The following DERL1 variants were observed in gnomAD, a reference collection of about 807,000 sequenced individuals.
DERL1 encodes the protein derlin-1.
Under a neutral mutation model 41.6 loss-of-function variants are expected in DERL1, and 24 were observed. The observed-to-expected ratio is 0.58, with a 90% confidence interval of 0.42 to 0.81. DERL1 has a LOEUF of 0.81. Among genes scored for constraint, DERL1 ranks in the 30% least tolerant of loss-of-function variants. The pLI, the probability that DERL1 is intolerant of heterozygous loss-of-function variation, is 0.00. For missense variants in DERL1, 260 were observed against 314.3 expected, an observed-to-expected ratio of 0.83 and a Z score of 1.31; for synonymous variants, 124 against 112.5, an observed-to-expected ratio of 1.10 and a Z score of -0.65.
chr8:123,021,137 C>T (rs1814753723), intron 6 of DERL1, among the ~76,000 whole-genome samples: 1 of 152,086 alleles, frequency 6.6e-6, no homozygotes, highest in Admixed American at 6.5e-5. Context: ...CCAACTCAGA[C>T]AAAAATTAGG....
rs1812593675 is a variant in DERL1, at chr8:123,022,741, G to C, written c.396C>G (p.Val132=). 6.2e-7 allele frequency: 1 copy of C among 1,613,990 alleles called. No homozygotes were observed. Among genetic ancestry groups the C allele is most frequent in the African/African-American group, 1.3e-5 (1 of 74,898 alleles). The change falls in exon 5 of 8, where the codon GTC becomes GTG. Residue 132 remains valine, a synonymous_variant. Transcript: ENST00000259512. ...MIPLIMSVLY[V]WAQLNRDMIV... is the part of the protein sequence containing the mutation. ...TCATGTCTCTGTTCAGCTGGGCCCAGACATAAAGTACTGACATGATCAGAG... is the reference window on the plus strand; with the variant it reads ...TCATGTCTCTGTTCAGCTGGGCCCACACATAAAGTACTGACATGATCAGAG...
intron 3 of DERL1, among the ~76,000 whole-genome samples, chr8:123,024,383 C>T (rs1812635313): frequency 6.6e-6 from 1 of 152,146 alleles, no homozygotes; most frequent in Non-Finnish European, 1.5e-5. Context: ...GCAGCTGAGC[C>T]CAAAGGCAAT....
rs1396224464 is a variant in DERL1 at position 123,014,298 on chromosome 8, C to CT, written c.*1148dup. On this transcript the variant is annotated 3_prime_UTR_variant, in exon 8 of 8. Transcript: ENST00000259512. ...AACACACCCTCAAACCCAAATGATT[C>CT]TAAAGCCATTTCAACCTTAAATCAT... is the stretch of plus-strand genomic sequence containing the variant. The CT allele has an allele frequency of 6.6e-6, 1 of 152,640 alleles. No individual in the cohort carries two copies. Among genetic ancestry groups the CT allele is most frequent in the Admixed American group, 6.5e-5 (1 of 15,278 alleles). 9.5% of individuals were successfully genotyped at this position (152,640 alleles called of 1,614,324 possible).
Position 123,022,743 on chromosome 8 carries a change from C to A in DERL1, c.394G>T (p.Val132Phe). 1 of 1,614,060 alleles carries A rather than the reference C, an allele frequency of 6.2e-7. No individual in the cohort carries two copies. Among genetic ancestry groups the A allele is most frequent in the African/African-American group, 1.3e-5 (1 of 75,008 alleles). The change falls in exon 5 of 8, where the codon GTC (valine) becomes TTC (phenylalanine). Residue 132 changes from valine (V) to phenylalanine (F), a missense_variant. Transcript: ENST00000259512. The part of the protein sequence containing the change: ...MIPLIMSVLY[V>F]WAQLNRDMIV... Reference sequence around the variant, plus strand: ...ATGTCTCTGTTCAGCTGGGCCCAGACATAAAGTACTGACATGATCAGAGGA... The same window carrying A: ...ATGTCTCTGTTCAGCTGGGCCCAGAAATAAAGTACTGACATGATCAGAGGA...
At chr8:123,033,461 C>T (rs1049663561) in intron 1 of DERL1, among the ~76,000 whole-genome samples, 1 of 152,070 alleles carries the variant, frequency 6.6e-6, no homozygotes, top group Non-Finnish European at 1.5e-5. Flanking sequence ...AATTGAGCTT[C>T]GGCCGGGAGT....
At chr8:123,031,627 T>A (rs1174383736) in intron 1 of DERL1, among the ~76,000 whole-genome samples, 1 of 152,104 alleles carries the variant, frequency 6.6e-6, no homozygotes, top group Non-Finnish European at 1.5e-5. Context: ...GTCTCCCAGT[T>A]CCCCAACAAC....
chr8:123,017,656 G>A (rs1052842652), intron 7 of DERL1: 1 of 152,172 alleles, frequency 6.6e-6, no homozygotes, highest in Non-Finnish European at 1.5e-5. Flanking sequence ...GTGGAAGGCA[G>A]GCTCCAGGGC....
rs553871416 is a variant in DERL1 at position 123,014,386 on chromosome 8, C to T, written c.*1061G>A. The T allele has an allele frequency of 9.8e-5, 15 of 152,742 alleles. No individual in the cohort carries two copies. Among genetic ancestry groups the T allele is most frequent in the South Asian group, 4.1e-4 (2 of 4,826 alleles). 9.5% of individuals were successfully genotyped at this position (152,742 alleles called of 1,614,324 possible). On this transcript the variant is annotated 3_prime_UTR_variant, in exon 8 of 8. Coordinates refer to ENST00000259512, the MANE Select transcript of DERL1 (RefSeq NM_024295.6). ...ATGATCTACGTGCAGAGAGGAGCTG[C>T]GCCTTCCTCACAATTAATTGAAACA...
Position 123,029,272 on chromosome 8 carries a change from T to C in DERL1, c.265+1333A>G, listed in dbSNP as rs533722325. Among the ~76,000 whole-genome samples, 3 of 152,326 alleles carry C rather than the reference T, an allele frequency of 2.0e-5. No homozygotes were observed. The East Asian group carries it at 5.8e-4, about 29-fold the overall frequency. ...TTTCATTTCTGCCAAGTTACTTTACTTCCTTGAATCTCCTATTCATCTTTT... is the reference window on the plus strand; with the variant it reads ...TTTCATTTCTGCCAAGTTACTTTACCTCCTTGAATCTCCTATTCATCTTTT... On this transcript the variant is annotated intron_variant, in intron 2 of 7. Coordinates refer to ENST00000259512, the MANE Select transcript of DERL1 (RefSeq NM_024295.6).
intron 2 of DERL1, among the ~76,000 whole-genome samples, chr8:123,029,008 C>T (rs111354712): frequency 0.014 from 2,106 of 151,680 alleles, 44 homozygotes; most frequent in African/African-American, 0.048. Context: ...GTCAAGGCTG[C>T]AGGGAGCCAT....
At chr8:123,029,789 T>C (rs1354072339) in intron 2 of DERL1, among the ~76,000 whole-genome samples, 1 of 152,142 alleles carries the variant, frequency 6.6e-6, no homozygotes, top group African/African-American at 2.4e-5. Flanking sequence ...GCTGGGCACG[T>C]TGACTCACAC....
rs1306858824 is a variant in DERL1, at chr8:123,027,314, AAAAAAT to A, written c.266-2270_266-2265del. On this transcript the variant is annotated intron_variant, in intron 2 of 7. Coordinates refer to ENST00000259512, the MANE Select transcript of DERL1 (RefSeq NM_024295.6). ...GTCTCAAAAAAAAAAAAAAAAAAAA[AAAAAAT>A]TTAGTGGTCTCCTAAGGGTGTGGGG... 1.5e-4 allele frequency among the ~76,000 whole-genome samples: 22 copies of A among 147,146 alleles called. 1 individual carries two copies. The highest frequency in any genetic ancestry group is 4.0e-4 in the African/African-American group (16 of 39,916).
At chr8:123,034,743 C>T (rs1380497041) in intron 1 of DERL1, among the ~76,000 whole-genome samples, 1 of 152,176 alleles carries the variant, frequency 6.6e-6, no homozygotes, top group Non-Finnish European at 1.5e-5. Context: ...GAAATAGACT[C>T]AGAGTAAACC....
At chr8:123,035,938 C>T (rs1001590511) in intron 1 of DERL1, among the ~76,000 whole-genome samples, 4 of 152,012 alleles carry the variant, frequency 2.6e-5, no homozygotes. Context: ...ATATATCAGT[C>T]ACCAAGCAAG....
At chr8:123,027,197 G>A (rs1215509228) in intron 2 of DERL1, among the ~76,000 whole-genome samples, 1 of 151,198 alleles carries the variant, frequency 6.6e-6, no homozygotes, top group East Asian at 1.9e-4. Context: ...AGGAGGCTGA[G>A]GCATGAGAAT....
In DERL1 at chr8:123,015,592, C is replaced by A; in HGVS notation, c.618-7G>T. On this transcript the variant is annotated splice_polypyrimidine_tract_variant and splice_region_variant and intron_variant, in intron 7 of 7. Coordinates refer to ENST00000259512, the MANE Select transcript of DERL1 (RefSeq NM_024295.6). ...ACTGGGCAGCCAGCGGTACCTGGTG[C>A]AGAAAGACGGGGACACAAACGGAGA... 1 of 1,605,686 alleles carries A rather than the reference C, an allele frequency of 6.2e-7. No homozygotes were observed. Among genetic ancestry groups the A allele is most frequent in the South Asian group, 1.1e-5 (1 of 88,962 alleles).
intron 1 of DERL1, among the ~76,000 whole-genome samples, chr8:123,033,817 A>T (rs1812868270): frequency 6.6e-6 from 1 of 152,170 alleles, no homozygotes; most frequent in Non-Finnish European, 1.5e-5. Flanking sequence ...TTTGTATCTT[A>T]TTTCATTCTT....
chr8:123,017,397 T>A (rs1039578943), intron 7 of DERL1: 86 of 152,288 alleles, frequency 5.6e-4, no homozygotes, highest in African/African-American at 1.9e-3. Context: ...GAACACTTGC[T>A]GGAGAAAATG....
At chr8:123,019,510 C>G (rs1004944779) in intron 6 of DERL1, among the ~76,000 whole-genome samples, 3 of 152,138 alleles carry the variant, frequency 2.0e-5, no homozygotes, top group African/African-American at 7.2e-5. Flanking sequence ...ACCAATGAGG[C>G]CTGCCACTCT....
Sources: allele counts gnomAD v4.1 joint callset (sites outside exome capture counted in the v4.1 genomes callset), GRCh38; gene constraint gnomAD v4.1.1; transcripts MANE v1.5; gene names NCBI Gene and HGNC (gene_info 2026-07-23, HGNC 2026-07-21).